The following ITPR2 variants were observed in gnomAD, a reference collection of about 807,000 sequenced individuals.
The protein encoded by ITPR2 is inositol 1,4,5-trisphosphate receptor type 2, also known as inositol 1,4,5-trisphosphate-gated calcium channel ITPR2.
In ITPR2, 207 loss-of-function variants were observed where a neutral mutation model predicts 317.1. That is an observed-to-expected ratio of 0.65 (90% CI 0.58 to 0.73). ITPR2 has a LOEUF of 0.73. Ranked by LOEUF, ITPR2 falls within the 30% of genes least tolerant of loss-of-function variation. ITPR2 has a pLI of 0.00. For synonymous variants in ITPR2, 1,156 were observed against 1,149.1 expected, an observed-to-expected ratio of 1.01 and a Z score of -0.12; for missense variants, 2,613 against 3,284.0, an observed-to-expected ratio of 0.80 and a Z score of 4.99.
intron 2 of ITPR2, among the ~76,000 whole-genome samples, chr12:26,760,806 T>A (rs1266331771): frequency 6.6e-6 from 1 of 152,202 alleles, no homozygotes; most frequent in African/African-American, 2.4e-5. Flanking sequence ...CCAGCAAAGC[T>A]ACTCCTAGGA....
Position 26,770,023 on chromosome 12 carries a change from A to G in ITPR2, c.163+20134T>C, listed in dbSNP as rs572330211. Among the ~76,000 whole-genome samples, 45 of 152,276 alleles carry G rather than the reference A, an allele frequency of 3.0e-4. No homozygotes were observed. In the South Asian group the frequency reaches 8.5e-3, roughly 29 times the overall value. On this transcript the variant is annotated intron_variant, in intron 2 of 56. Coordinates refer to ENST00000381340, the MANE Select transcript of ITPR2 (RefSeq NM_002223.4). The stretch of plus-strand genomic sequence containing the variant: ...TAATGAATATAGCATAGATAGAAAT[A>G]CTCTAACCCTATAACCTCCACATCA...
chr12:26,634,690 G>T (rs907974935), intron 21 of ITPR2, among the ~76,000 whole-genome samples: 1 of 151,966 alleles, frequency 6.6e-6, no homozygotes, highest in Non-Finnish European at 1.5e-5. Context: ...GATGAGACCA[G>T]CCTGATCAAC....
chr12:26,347,358 A>T (rs993488476), intron 55 of ITPR2, among the ~76,000 whole-genome samples: 22 of 152,222 alleles, frequency 1.4e-4, no homozygotes, highest in Non-Finnish European at 2.6e-4. Context: ...TATAAAAAGC[A>T]AGAACTGTGG....
intron 2 of ITPR2, among the ~76,000 whole-genome samples, chr12:26,778,574 G>T (rs538374259): frequency 6.6e-6 from 1 of 152,316 alleles, no homozygotes; most frequent in East Asian, 1.9e-4. Context: ...CCTTCGGCTG[G>T]CAAGGCCAGC....
intron 2 of ITPR2, among the ~76,000 whole-genome samples, chr12:26,773,185 G>A (rs1442646049): frequency 2.6e-5 from 4 of 152,174 alleles, no homozygotes. Context: ...TCTCTAAAGT[G>A]TGGTTTCCAC....
intron 51 of ITPR2, among the ~76,000 whole-genome samples, chr12:26,413,221 C>T (rs1052622786): frequency 1.3e-5 from 2 of 152,238 alleles, no homozygotes; most frequent in Non-Finnish European, 2.9e-5. Context: ...TCTGGTCCTG[C>T]AGGCAGGATC....
At chr12:26,780,123 T>C (rs1403063608) in intron 2 of ITPR2, among the ~76,000 whole-genome samples, 1 of 152,154 alleles carries the variant, frequency 6.6e-6, no homozygotes, top group Non-Finnish European at 1.5e-5. Context: ...GGATAGAGGT[T>C]ACTCATGGGC....
rs1223217348 is a variant in ITPR2 at position 26,656,453 on chromosome 12, C to A, written c.2288G>T (p.Arg763Leu). 1.9e-6 allele frequency: 3 copies of A among 1,614,182 alleles called. No homozygotes were observed. The highest frequency in any genetic ancestry group is 1.1e-5 in the South Asian group (1 of 91,082). Residue 763 changes from arginine (R) to leucine (L), a missense_variant, in exon 19 of 57, where the codon CGG (arginine) becomes CTG (leucine). By Grantham distance (102) the Arg-to-Leu change is moderately radical. Around this residue, in one of 9 missense-constraint regions of ITPR2, gnomAD observed 817 missense variants for 897.6 expected, o/e 0.91. Coordinates refer to ENST00000381340, the MANE Select transcript of ITPR2 (RefSeq NM_002223.4). ...CGGCAGGCTCTCATCCGACACACACCGCAGGATCAGGTCTACAGACAGCTG... is the reference window on the plus strand; with the variant it reads ...CGGCAGGCTCTCATCCGACACACACAGCAGGATCAGGTCTACAGACAGCTG... The part of the protein sequence containing the change: ...STQLSVDLIL[R>L]CVSDESLPFD...
intron 2 of ITPR2, among the ~76,000 whole-genome samples, chr12:26,758,271 C>G (rs1949563615): frequency 6.6e-6 from 1 of 152,098 alleles, no homozygotes; most frequent in African/African-American, 2.4e-5. Context: ...GTCTCCTTTT[C>G]TAAGTTATAA....
At chr12:26,745,933 C>T (rs149889185) in intron 2 of ITPR2, among the ~76,000 whole-genome samples, 59 of 152,278 alleles carry the variant, frequency 3.9e-4, no homozygotes, top group African/African-American at 1.3e-3. Context: ...TATCAGCTCA[C>T]AAGAAACCCA....
chr12:26,459,214 C>T (rs1941957929), intron 45 of ITPR2, among the ~76,000 whole-genome samples: 1 of 152,198 alleles, frequency 6.6e-6, no homozygotes, highest in Non-Finnish European at 1.5e-5. Flanking sequence ...ATTTAGGGAA[C>T]AAATAACACA....
At chr12:26,430,688 A>T (rs1941182159) in intron 48 of ITPR2, among the ~76,000 whole-genome samples, 1 of 152,246 alleles carries the variant, frequency 6.6e-6, no homozygotes, top group Non-Finnish European at 1.5e-5. Flanking sequence ...TTTTAATAAT[A>T]CAAAAAGTTT....
chr12:26,428,414 C>A (rs1156727688), intron 48 of ITPR2, among the ~76,000 whole-genome samples: 2 of 152,046 alleles, frequency 1.3e-5, no homozygotes, highest in Non-Finnish European at 2.9e-5. Flanking sequence ...CTCTCGGGAA[C>A]CTTAATCCAA....
chr12:26,748,219 C>T (rs1030677980), intron 2 of ITPR2, among the ~76,000 whole-genome samples: 3 of 151,992 alleles, frequency 2.0e-5, no homozygotes, highest in Admixed American at 1.3e-4. Context: ...CCACCACACT[C>T]GACTAACTTT....
Position 26,439,179 on chromosome 12 carries a change from GA to G in ITPR2, c.6590del (p.Phe2197SerfsTer11), listed in dbSNP as rs1941429160. 2.5e-6 allele frequency: 4 copies of G among 1,612,032 alleles called. No individual in the cohort carries two copies. The highest frequency in any genetic ancestry group is 3.4e-6 in the Non-Finnish European group (4 of 1,179,106). ...DEQGSKVNDF[F>X]QQTEDLYNEM... ...CATTGTAGAGATCTTCTGTTTGCTG[GA>G]AAAAGTCATTCACTTTACTTCCTTG... is the stretch of plus-strand genomic sequence containing the variant. On this transcript the variant is annotated frameshift_variant, in exon 47 of 57. Transcript: ENST00000381340. LOFTEE classifies it high-confidence loss of function.
chr12:26,623,546 A>G (rs1215018987), intron 24 of ITPR2: 4 of 152,166 alleles, frequency 2.6e-5, no homozygotes, highest in Admixed American at 2.0e-4. Context: ...ACGCATGTAT[A>G]TATAGGAAAA....
Position 26,573,055 on chromosome 12 carries a change from G to T in ITPR2, c.4630+5658C>A, listed in dbSNP as rs534184307. ...TTTATTTATTTTAGAAACAGGGTCT[G>T]GCTCTGTCACCCAGGCTGGAGTGTA... On this transcript the variant is annotated intron_variant, in intron 34 of 56. Coordinates refer to ENST00000381340, the MANE Select transcript of ITPR2 (RefSeq NM_002223.4). Among the ~76,000 whole-genome samples, 7 of 151,670 alleles carry T rather than the reference G, an allele frequency of 4.6e-5. No individual in the cohort carries two copies. In the East Asian group the frequency reaches 1.2e-3, roughly 25 times the overall value.
intron 15 of ITPR2, 25 bp from the exon 16 acceptor site, chr12:26,659,310 A>T (rs1005746532): frequency 6.2e-7 from 1 of 1,600,522 alleles, no homozygotes; most frequent in Non-Finnish European, 8.5e-7. Context: ...GGCTGTCAGA[A>T]TGCACTGCCA....
At chr12:26,495,378 C>T (rs1214236438) in intron 37 of ITPR2, 118 bp from the exon 38 acceptor site, 2 of 531,350 alleles carry the variant, frequency 3.8e-6, no homozygotes, top group Admixed American at 3.9e-5. Context: ...GAAAAATTAA[C>T]TTTCTATCAG....
Sources: gnomAD v4.1 joint callset for allele counts (sites outside exome capture counted in the v4.1 genomes callset) on GRCh38, gnomAD v4.1.1 for gene constraint, gnomAD v4.1.1 regional missense constraint, MANE v1.5 for transcripts, NCBI Gene and HGNC (gene_info 2026-07-23, HGNC 2026-07-21) for gene names.